The following GSE1 variants were observed in gnomAD, a reference collection of about 807,000 sequenced individuals.
The protein encoded by GSE1 is genetic suppressor element 1.
GSE1 carries 32 observed loss-of-function variants against 112.6 expected under a neutral mutation model. That is an observed-to-expected ratio of 0.28 (90% CI 0.21 to 0.38). The LOEUF is 0.38. Ranked by LOEUF, GSE1 falls within the 10% of genes least tolerant of loss-of-function variation. The probability of loss-of-function intolerance (pLI) is 1.00; values close to 1 mark genes in which losing one functional copy is unlikely to be tolerated. For missense variants in GSE1, 2,348 were observed against 1,699.2 expected (o/e 1.38, Z -6.71); for synonymous variants, 1,115 against 735.6 (o/e 1.52, Z -8.35).
intron 1 of GSE1, among the ~76,000 whole-genome samples, chr16:85,250,747 G>A (rs1224757393): frequency 6.6e-6 from 1 of 152,108 alleles, no homozygotes; most frequent in African/African-American, 2.4e-5. Flanking sequence ...ACAGAGTTGT[G>A]CAACCATCAC....
Position 85,634,116 on chromosome 16 carries a change from G to A in GSE1, c.210G>A (p.Gln70=). 2 of 1,544,398 alleles carry A rather than the reference G, an allele frequency of 1.3e-6. No individual in the cohort carries two copies. Among genetic ancestry groups the A allele is most frequent in the Non-Finnish European group, 8.7e-7 (1 of 1,151,244 alleles). Residue 70 remains glutamine (Q), a synonymous_variant, in exon 2 of 16, where the codon CAG becomes CAA. Coordinates refer to ENST00000253458, the MANE Select transcript of GSE1 (RefSeq NM_014615.5). ...CCGCGCTGCGCAAGCTCGCCAAACA[G>A]GCGGAGGAGCCCAGAGGTAAGGGGG... is the stretch of plus-strand genomic sequence containing the variant. The part of the protein sequence containing the change: ...FAAALRKLAK[Q]AEEPRGSSLS...
At chr16:85,224,254 GA>G (rs2075442509) in intron 1 of GSE1, among the ~76,000 whole-genome samples, 2 of 138,290 alleles carry the variant, frequency 1.4e-5, no homozygotes, top group Non-Finnish European at 1.5e-5. Context: ...GGCGAGGGAG[GA>G]GGAGGGTTTC....
intron 8 of GSE1, among the ~76,000 whole-genome samples, chr16:85,658,755 T>A (rs1042338284): frequency 6.6e-6 from 1 of 152,202 alleles, no homozygotes; most frequent in Non-Finnish European, 1.5e-5. Flanking sequence ...AGCCAGCTCC[T>A]ACCTGGCATG....
intron 3 of GSE1, among the ~76,000 whole-genome samples, chr16:85,653,135 CATCCAGA>C (rs1471826027): frequency 6.9e-6 from 1 of 145,606 alleles, no homozygotes; most frequent in Non-Finnish European, 1.5e-5. Context: ...GGTTGGCAGC[CATCCAGA>C]GTCCAGAGCA....
chr16:85,295,544 C>T (rs1049530765), intron 1 of GSE1, among the ~76,000 whole-genome samples: 1 of 152,180 alleles, frequency 6.6e-6, no homozygotes, highest in Non-Finnish European at 1.5e-5. Context: ...AGCCTCATGG[C>T]CTTTTATGAC....
chr16:85,305,242 C>T (rs187168591), intron 1 of GSE1, among the ~76,000 whole-genome samples: 44 of 152,324 alleles, frequency 2.9e-4, no homozygotes, highest in African/African-American at 1.0e-3. Flanking sequence ...TTCCAGTCCG[C>T]GAAGCTAGAA....
At chr16:85,527,559 C>T (rs889662609) in intron 2 of GSE1, among the ~76,000 whole-genome samples, 1 of 152,266 alleles carries the variant, frequency 6.6e-6, no homozygotes, top group African/African-American at 2.4e-5. Flanking sequence ...CGGTTACTTC[C>T]TACGCACCCG....
intron 2 of GSE1, among the ~76,000 whole-genome samples, chr16:85,544,998 C>T (rs757684453): frequency 1.3e-5 from 2 of 152,260 alleles, no homozygotes; most frequent in Non-Finnish European, 2.9e-5. Flanking sequence ...TATTTCTCCT[C>T]CCCTCGGGAG....
chr16:85,552,882 A>G (rs966191420), upstream of GSE1, among the ~76,000 whole-genome samples: 1 of 152,272 alleles, frequency 6.6e-6, no homozygotes, highest in Non-Finnish European at 1.5e-5. Context: ...GCTATTGTGT[A>G]ATGACATGTT....
At chr16:85,344,605 C>T (rs1236773315) in intron 1 of GSE1, among the ~76,000 whole-genome samples, 1 of 152,250 alleles carries the variant, frequency 6.6e-6, no homozygotes, top group Non-Finnish European at 1.5e-5. Flanking sequence ...CCCAGAGCTT[C>T]ACAACACAGA....
chr16:85,473,324 G>A (rs1360829389), intron 2 of GSE1, among the ~76,000 whole-genome samples: 1 of 152,202 alleles, frequency 6.6e-6, no homozygotes, highest in African/African-American at 2.4e-5. Flanking sequence ...GCAGGGGCAG[G>A]GCCAGGAGCT....
intron 1 of GSE1, among the ~76,000 whole-genome samples, chr16:85,556,942 C>T (rs1170191326): frequency 1.3e-5 from 2 of 152,038 alleles, no homozygotes; most frequent in Non-Finnish European, 2.9e-5. Context: ...GGCGTGGCTT[C>T]CTGTTTCCTT....
intron 2 of GSE1, among the ~76,000 whole-genome samples, chr16:85,429,633 A>C (rs946109263): frequency 6.6e-6 from 1 of 151,984 alleles, no homozygotes; most frequent in Non-Finnish European, 1.5e-5. Flanking sequence ...ACCTCCTCCC[A>C]AGATCTCCCT....
intron 1 of GSE1, among the ~76,000 whole-genome samples, chr16:85,211,260 G>T (rs1340505943): frequency 1.3e-5 from 2 of 151,946 alleles, no homozygotes; most frequent in East Asian, 3.9e-4. Context: ...GAAAGCATGT[G>T]GGGTGCCAGG....
chr16:85,642,317 T>C (rs930524813), intron 2 of GSE1, among the ~76,000 whole-genome samples: 10 of 152,210 alleles, frequency 6.6e-5, no homozygotes, highest in African/African-American at 1.9e-4. Context: ...TCTCTAAAAA[T>C]ATTTTGTAAT....
exon 1 of GSE1, chr16:85,169,918 G>A (rs1213839974): frequency 1.0e-6 from 1 of 984,354 alleles, no homozygotes; most frequent in African/African-American, 1.8e-5. Flanking sequence ...CCGTGGCGGC[G>A]CCGGGGCCCC....
intron 1 of GSE1, among the ~76,000 whole-genome samples, chr16:85,336,876 A>G (rs2046499395): frequency 6.6e-6 from 1 of 152,258 alleles, no homozygotes; most frequent in African/African-American, 2.4e-5. Flanking sequence ...GTTCACACAT[A>G]CACATGCTCA....
At chr16:85,413,567 C>G (rs534448891) in intron 2 of GSE1, among the ~76,000 whole-genome samples, 1 of 152,106 alleles carries the variant, frequency 6.6e-6, no homozygotes, top group African/African-American at 2.4e-5. Flanking sequence ...AGTAAAGTCA[C>G]GTTAAGCACA....
intron 1 of GSE1, among the ~76,000 whole-genome samples, chr16:85,217,171 C>T (rs1043019870): frequency 3.3e-5 from 5 of 152,184 alleles, no homozygotes; most frequent in East Asian, 1.9e-4. Flanking sequence ...GGTGTCTGGG[C>T]GGGTGTCAAG....
Sources: allele counts gnomAD v4.1 joint callset (sites outside exome capture counted in the v4.1 genomes callset), GRCh38; gene constraint gnomAD v4.1.1; transcripts MANE v1.5; gene names NCBI Gene and HGNC (gene_info 2026-07-23, HGNC 2026-07-21).